The following CCDC138 variants were observed in gnomAD, a reference collection of about 807,000 sequenced individuals.
CCDC138 encodes coiled-coil domain containing 138, also known as coiled-coil domain-containing protein 138.
A neutral mutation model predicts 82.3 loss-of-function variants in CCDC138; 66 were observed. The observed-to-expected ratio is 0.80, with a 90% CI of 0.66 to 0.98. CCDC138 has a LOEUF of 0.98. Ranked by LOEUF, CCDC138 falls within the 50% of genes least tolerant of loss-of-function variation. The pLI is 0.00. For synonymous variants in CCDC138, 297 were observed against 265.4 expected (o/e 1.12, Z -1.16); for missense variants, 816 against 758.9 (o/e 1.08, Z -0.88).
chr2:108,803,061 G>C lies in CCDC138; in HGVS notation c.736-1828G>C, dbSNP rs116144837. Reference sequence around the variant, plus strand: ...CTCTTAAAGGTTGGTCTGAGACTTGGGTAACAGTTTAAAATCCTAATGCAT... The same window carrying C: ...CTCTTAAAGGTTGGTCTGAGACTTGCGTAACAGTTTAAAATCCTAATGCAT... On this transcript the variant is annotated intron_variant, in intron 6 of 14. Coordinates refer to ENST00000295124, the MANE Select transcript of CCDC138 (RefSeq NM_144978.3). Among the ~76,000 whole-genome samples the C allele has an allele frequency of 1.2e-3, 185 of 152,282 alleles. 1 individual carries two copies. The highest frequency in any genetic ancestry group is 4.2e-3 in the African/African-American group (174 of 41,554).
At chr2:108,794,475 A>G (rs1220346794) in intron 4 of CCDC138, 65 bp from the exon 5 acceptor site, 42 of 1,400,026 alleles carry the variant, frequency 3.0e-5, no homozygotes, top group Non-Finnish European at 3.8e-5. Context: ...CCTAAAGGTT[A>G]CTCTGAGAAT....
intron 6 of CCDC138, among the ~76,000 whole-genome samples, chr2:108,804,188 T>G (rs961508359): frequency 3.9e-5 from 6 of 152,180 alleles, no homozygotes; most frequent in African/African-American, 1.2e-4. Context: ...ATTTTTTGAT[T>G]TCCTGTAGAA....
At chr2:108,865,296 T>A (rs576746612) in intron 13 of CCDC138, among the ~76,000 whole-genome samples, 5 of 152,344 alleles carry the variant, frequency 3.3e-5, no homozygotes, top group Admixed American at 3.3e-4. Flanking sequence ...AGTGCTTCTG[T>A]GAATAACCGT....
At chr2:108,879,991 G>T (rs902378729), downstream of CCDC138, among the ~76,000 whole-genome samples, 1 of 152,118 alleles carries the variant, frequency 6.6e-6, no homozygotes, top group Admixed American at 6.6e-5. Flanking sequence ...AAAATGTTAA[G>T]AGAACATAAG....
intron 12 of CCDC138, among the ~76,000 whole-genome samples, chr2:108,852,979 T>C (rs1204994137): frequency 6.6e-6 from 1 of 152,218 alleles, no homozygotes; most frequent in Admixed American, 6.5e-5. Context: ...ATTTTGTTTG[T>C]ATCAAAGTTA....
At chr2:108,853,528 C>CTT (rs34664337) in intron 12 of CCDC138, among the ~76,000 whole-genome samples, 23 of 139,110 alleles carry the variant, frequency 1.7e-4, no homozygotes, top group South Asian at 1.6e-3. Context: ...TGATAGCTTT[C>CTT]TTTTTTTTTT....
At chr2:108,820,026 C>G (rs934362952) in intron 10 of CCDC138, among the ~76,000 whole-genome samples, 1 of 152,110 alleles carries the variant, frequency 6.6e-6, no homozygotes, top group African/African-American at 2.4e-5. Context: ...AATTCTGGAG[C>G]TGAAAAATAC....
intron 11 of CCDC138, among the ~76,000 whole-genome samples, chr2:108,840,376 A>C (rs1231747940): frequency 1.3e-5 from 2 of 152,154 alleles, no homozygotes; most frequent in Non-Finnish European, 2.9e-5. Flanking sequence ...CTTATCCTTT[A>C]TATTTTCTGG....
chr2:108,790,738 A>G (rs1406245005), intron 3 of CCDC138, among the ~76,000 whole-genome samples: 2 of 152,050 alleles, frequency 1.3e-5, no homozygotes, highest in Non-Finnish European at 2.9e-5. Context: ...AATAATGTAA[A>G]ATATCTTAAT....
At chr2:108,830,098 A>G (rs1169829976) in intron 10 of CCDC138, among the ~76,000 whole-genome samples, 2 of 152,208 alleles carry the variant, frequency 1.3e-5, no homozygotes, top group Non-Finnish European at 2.9e-5. Flanking sequence ...CATGAAATTG[A>G]CACATGCTAC....
intron 10 of CCDC138, among the ~76,000 whole-genome samples, chr2:108,838,169 G>T (rs1688882418): frequency 6.6e-6 from 1 of 152,108 alleles, no homozygotes; most frequent in Admixed American, 6.5e-5. Flanking sequence ...CAGATAGAAG[G>T]GGTCTGGCTC....
chr2:108,873,476 C>T lies in CCDC138; in HGVS notation c.1719C>T (p.Ala573=), dbSNP rs1405683640. 1.2e-6 allele frequency: 2 copies of T among 1,603,462 alleles called. No individual in the cohort carries two copies. The highest frequency in any genetic ancestry group is 3.4e-5 in the Admixed American group (2 of 58,936). Residue 573 remains alanine (A), a synonymous_variant, in exon 14 of 15, where the codon GCC becomes GCT. Transcript: ENST00000295124. ...AATCCTTGCAGCCTTTCCTGGAAGC[C>T]TGTAGCAACTCTTTATTTTTTCGTA... ...ESKSLQPFLE[A]CSNSLFFRTC... is the part of the protein sequence containing the mutation.
intron 12 of CCDC138, among the ~76,000 whole-genome samples, chr2:108,856,099 T>C (rs978228725): frequency 1.3e-5 from 2 of 152,190 alleles, no homozygotes; most frequent in Non-Finnish European, 2.9e-5. Flanking sequence ...ACTACTTCAT[T>C]TGCAATGATT....
chr2:108,791,522 C>T (rs770779877), intron 3 of CCDC138, 153 bp from the exon 4 acceptor site: 17 of 845,994 alleles, frequency 2.0e-5, no homozygotes, highest in Middle Eastern at 3.5e-4. Context: ...TTAGTTTTTA[C>T]GTTTTTTCTT....
chr2:108,858,161 C>T (rs1167545917), intron 13 of CCDC138, among the ~76,000 whole-genome samples: 7 of 152,072 alleles, frequency 4.6e-5, no homozygotes, highest in East Asian at 1.9e-4. Flanking sequence ...CTGGCCAACA[C>T]GGTGAAACCC....
At position 108,788,307 on chromosome 2, in the gene CCDC138, C is replaced by T. The variant is rs189007668; in HGVS notation, c.151+218C>T. 1.1e-3 allele frequency among the ~76,000 whole-genome samples: 165 copies of T among 152,184 alleles called. 1 individual carries two copies. The highest frequency in any genetic ancestry group is 2.0e-3 in the Non-Finnish European group (136 of 68,016). On this transcript the variant is annotated intron_variant, in intron 2 of 14. Transcript: ENST00000295124. ...TGGTGGCGGGCGCCTGTAATCCCAA[C>T]TGCTGGGAAGGCTGAGGCAGGAGAA...
chr2:108,818,239 C>G (rs1204112751), intron 10 of CCDC138, among the ~76,000 whole-genome samples: 1 of 151,942 alleles, frequency 6.6e-6, no homozygotes, highest in Non-Finnish European at 1.5e-5. Context: ...CTGGGGGGGT[C>G]GAGGCTGCAG....
At chr2:108,848,002 C>T (rs1186818144) in intron 12 of CCDC138, among the ~76,000 whole-genome samples, 1 of 152,030 alleles carries the variant, frequency 6.6e-6, no homozygotes, top group Non-Finnish European at 1.5e-5. Flanking sequence ...AAAAAATACA[C>T]ACACGCTTAC....
chr2:108,869,731 A>T (rs981335849), intron 13 of CCDC138, among the ~76,000 whole-genome samples: 1 of 152,208 alleles, frequency 6.6e-6, no homozygotes, highest in Non-Finnish European at 1.5e-5. Context: ...GACAGGATGC[A>T]TGCCCAGACA....
Sources: allele counts gnomAD v4.1 joint callset (sites outside exome capture counted in the v4.1 genomes callset), GRCh38; gene constraint gnomAD v4.1.1; transcripts MANE v1.5; gene names NCBI Gene and HGNC (gene_info 2026-07-23, HGNC 2026-07-21).